Variants in BNC2 observed in about 807,000 individuals in gnomAD.
BNC2 encodes zinc finger protein basonuclin-2.
BNC2 carries 20 observed loss-of-function variants against 76.3 expected under a neutral mutation model. The observed-to-expected ratio is 0.26, with a 90% CI of 0.18 to 0.38. BNC2 has a LOEUF of 0.38. Among genes scored for constraint, BNC2 ranks in the 10% least tolerant of loss-of-function variants. BNC2 has a pLI of 1.00. For missense variants in BNC2, 1,382 were observed against 1,399.8 expected (o/e 0.99, Z 0.20); for synonymous variants, 582 against 514.8 (o/e 1.13, Z -1.77).
intron 5 of BNC2, among the ~76,000 whole-genome samples, chr9:16,512,933 C>T (rs1822793795): frequency 6.6e-6 from 1 of 152,000 alleles, no homozygotes; most frequent in Non-Finnish European, 1.5e-5. Flanking sequence ...GCCAGGATTT[C>T]GAGACCAGCC....
intron 3 of BNC2, among the ~76,000 whole-genome samples, chr9:16,638,705 C>T (rs1821399649): frequency 6.6e-6 from 1 of 152,088 alleles, no homozygotes; most frequent in Non-Finnish European, 1.5e-5. Flanking sequence ...AAAAAACCTT[C>T]ATCTACGAAA....
chr9:16,757,591 C>T (rs1825422090), intron 1 of BNC2, among the ~76,000 whole-genome samples: 1 of 152,178 alleles, frequency 6.6e-6, no homozygotes, highest in Non-Finnish European at 1.5e-5. Context: ...TTTCTCAAAA[C>T]TCCATTGTTA....
At chr9:16,705,515 C>T (rs554870744) in intron 3 of BNC2, among the ~76,000 whole-genome samples, 10 of 152,278 alleles carry the variant, frequency 6.6e-5, no homozygotes, top group African/African-American at 2.2e-4. Context: ...CCACACACTG[C>T]GCAGGCCATT....
At chr9:16,640,067 C>T (rs1323826361) in intron 3 of BNC2, among the ~76,000 whole-genome samples, 2 of 151,346 alleles carry the variant, frequency 1.3e-5, no homozygotes, top group Non-Finnish European at 2.9e-5. Context: ...ATAAATAAAA[C>T]GTAGTAATAC....
chr9:16,435,524 C>G (rs1246963661), intron 6 of BNC2, 31 bp downstream of exon 6: 1 of 1,612,388 alleles, frequency 6.2e-7, no homozygotes, highest in Non-Finnish European at 8.5e-7. Flanking sequence ...CCTCCACCCC[C>G]AGCAGGAGCA....
intron 1 of BNC2, among the ~76,000 whole-genome samples, chr9:16,747,511 G>C (rs1249636118): frequency 6.6e-6 from 1 of 152,186 alleles, no homozygotes; most frequent in Non-Finnish European, 1.5e-5. Context: ...CAAGTCCTCT[G>C]AGATAGGTAT....
At chr9:16,631,375 T>C (rs1034594610) in intron 3 of BNC2, among the ~76,000 whole-genome samples, 11 of 152,160 alleles carry the variant, frequency 7.2e-5, no homozygotes, top group African/African-American at 2.4e-4. Flanking sequence ...TCCCAAAGTC[T>C]AGAGGCTGCC....
chr9:16,727,636 A>G (rs1225902854), intron 3 of BNC2, 161 bp downstream of exon 3: 3 of 652,920 alleles, frequency 4.6e-6, no homozygotes, highest in Admixed American at 2.9e-5. Flanking sequence ...GTAACCCTGC[A>G]CATTCCAGTA....
chr9:16,478,818 T>G (rs760684764), intron 5 of BNC2, among the ~76,000 whole-genome samples: 1 of 152,210 alleles, frequency 6.6e-6, no homozygotes, highest in Non-Finnish European at 1.5e-5. Context: ...AACTATTTTG[T>G]GGCTCCCTGC....
intron 4 of BNC2, among the ~76,000 whole-genome samples, chr9:16,577,466 T>C (rs1202766555): frequency 2.0e-5 from 3 of 152,194 alleles, no homozygotes; most frequent in Admixed American, 1.3e-4. Flanking sequence ...AAATTAACTT[T>C]ATACTTCTCA....
At position 16,474,023 on chromosome 9, in the gene BNC2, G is replaced by A. The variant is rs185118314; in HGVS notation, c.670-36499C>T. 7.2e-5 allele frequency among the ~76,000 whole-genome samples: 11 copies of A among 152,314 alleles called. No individual in the cohort carries two copies. In the East Asian group the frequency reaches 2.1e-3, roughly 29 times the overall value. On this transcript the variant is annotated intron_variant, in intron 5 of 6. Coordinates refer to ENST00000380672, the MANE Select transcript of BNC2 (RefSeq NM_017637.6). ...TTGTCTAAATAACTTTTCAAGCTGT[G>A]TGATGTTTCTCCAAATTCTCTGGGT...
At chr9:16,537,293 T>C (rs560232111) in intron 5 of BNC2, among the ~76,000 whole-genome samples, 17 of 152,176 alleles carry the variant, frequency 1.1e-4, no homozygotes, top group Non-Finnish European at 2.2e-4. Context: ...AATGCATGAG[T>C]ACATACGGTT....
chr9:16,784,411 A>C lies in BNC2; in HGVS notation c.4-45926T>G, dbSNP rs1490765850. ...GTTTGGAGCGCTATACAAATGTACA[A>C]ATAATTGTCCCACAAGGGACAAAGT... is the stretch of plus-strand genomic sequence containing the variant. On this transcript the variant is annotated intron_variant, in intron 1 of 6. Transcript: ENST00000380672. Among the ~76,000 whole-genome samples the C allele has an allele frequency of 2.0e-5, 3 of 152,246 alleles. No homozygotes were observed. In the East Asian group the frequency reaches 5.8e-4, roughly 29 times the overall value.
intron 3 of BNC2, among the ~76,000 whole-genome samples, chr9:16,636,756 T>C (rs564526595): frequency 1.3e-5 from 2 of 152,288 alleles, no homozygotes; most frequent in South Asian, 2.1e-4. Context: ...TATTTCTTCC[T>C]TTTTTAGCCA....
intron 1 of BNC2, among the ~76,000 whole-genome samples, chr9:16,787,921 T>G (rs1356413092): frequency 6.6e-6 from 1 of 152,178 alleles, no homozygotes; most frequent in Non-Finnish European, 1.5e-5. Flanking sequence ...GTTACTGAAT[T>G]AGAATCACTG....
At chr9:16,553,028 T>C (rs1224518500) in intron 4 of BNC2, among the ~76,000 whole-genome samples, 1 of 152,198 alleles carries the variant, frequency 6.6e-6, no homozygotes, top group Admixed American at 6.5e-5. Flanking sequence ...CATTCAACTT[T>C]CAGATAAAGA....
chr9:16,470,561 G>T (rs973224976), intron 5 of BNC2, among the ~76,000 whole-genome samples: 1 of 152,178 alleles, frequency 6.6e-6, no homozygotes, highest in Admixed American at 6.5e-5. Context: ...TGAGCCCAGG[G>T]TCCCCATGCT....
chr9:16,634,791 G>A lies in BNC2; in HGVS notation c.331-51706C>T, dbSNP rs567383096. 1.2e-4 allele frequency among the ~76,000 whole-genome samples: 18 copies of A among 152,150 alleles called. No homozygotes were observed. In the South Asian group the frequency reaches 1.5e-3, roughly 12 times the overall value. On this transcript the variant is annotated intron_variant, in intron 3 of 6. Transcript: ENST00000380672. ...GCTGGGATTACAGGCGTGAACAACC[G>A]CGCCCGGCCCAAATACCTCATTCTT...
intron 3 of BNC2, among the ~76,000 whole-genome samples, chr9:16,684,131 A>T (rs116317531): frequency 0.015 from 2,290 of 152,082 alleles, 41 homozygotes; most frequent in African/African-American, 0.047. Flanking sequence ...GCAAAACCCA[A>T]TTTTCTTTTC....
Sources: gnomAD v4.1 joint callset for allele counts (sites outside exome capture counted in the v4.1 genomes callset) on GRCh38, gnomAD v4.1.1 for gene constraint, MANE v1.5 for transcripts, NCBI Gene and HGNC (gene_info 2026-07-23, HGNC 2026-07-21) for gene names.